Variants in NEDD9 observed in about 807,000 individuals in gnomAD.
NEDD9 encodes neural precursor cell expressed, developmentally down-regulated 9.
A neutral mutation model predicts 76.6 loss-of-function variants in NEDD9; 26 were observed. The ratio of observed to expected loss-of-function variants is 0.34; its 90% CI spans 0.25 to 0.47. The LOEUF is 0.47. Among genes scored for constraint, NEDD9 ranks in the 20% least tolerant of loss-of-function variants. The pLI is 1.00. For synonymous variants in NEDD9, 392 were observed against 414.2 expected (o/e 0.95, Z 0.65); for missense variants, 937 against 1,058.5 (o/e 0.89, Z 1.59).
intron 1 of NEDD9, among the ~76,000 whole-genome samples, chr6:11,360,540 TAGTG>T (rs1280878316): frequency 2.0e-5 from 3 of 152,110 alleles, no homozygotes; most frequent in African/African-American, 4.8e-5. Context: ...GTTCTCCTGA[TAGTG>T]AGTGAGTTCT....
chr6:11,354,544 TG>T lies in NEDD9; in HGVS notation c.-213-19984del, dbSNP rs369895087. ...GGATAGAGGAAGACATGGAGCTGCA[TG>T]CTGTTGCCCGTGCATCAGCCAATCA... On this transcript the variant is annotated intron_variant, in intron 1 of 3. Coordinates refer to the NEDD9 transcript ENST00000397378. Among the ~76,000 whole-genome samples the T allele has an allele frequency of 3.9e-4, 60 of 152,348 alleles. 1 individual carries two copies. In the South Asian group the frequency reaches 0.012, roughly 31 times the overall value.
intron 2 of NEDD9, among the ~76,000 whole-genome samples, chr6:11,331,521 G>A (rs991688786): frequency 3.3e-5 from 5 of 152,074 alleles, no homozygotes; most frequent in African/African-American, 1.2e-4. Flanking sequence ...GCTAAAGGGT[G>A]CAAAAATAAA....
rs138926316 is a variant in NEDD9, at chr6:11,278,812, T to C, written c.12+27180A>G. Among the ~76,000 whole-genome samples the C allele has an allele frequency of 6.1e-3, 932 of 152,132 alleles. 8 individuals carry two copies. The highest frequency in any genetic ancestry group is 7.5e-3 in the Non-Finnish European group (511 of 67,996). On this transcript the variant is annotated intron_variant, in intron 3 of 3. Transcript: ENST00000397378. ...GCATGCTGCCAACATTCAGAACCAC[T>C]GTCCTAGCCCACAGCGGCAATTACT...
chr6:11,273,796 G>T (rs916644496), intron 3 of NEDD9, among the ~76,000 whole-genome samples: 6 of 152,160 alleles, frequency 3.9e-5, no homozygotes, highest in Admixed American at 3.9e-4. Context: ...GTGTTCACCC[G>T]ACAGCAAGTG....
At position 11,190,919 on chromosome 6, in the gene NEDD9, T is replaced by C; in HGVS notation, c.950A>G (p.Tyr317Cys). ...GQSVGSQNDA[Y>C]DVPRGVQFLE... Reference sequence around the variant, plus strand: ...AAACTGAACGCCTCGGGGGACATCATATGCGTCGTTCTGAGAGCCCACTGA... The same window carrying C: ...AAACTGAACGCCTCGGGGGACATCACATGCGTCGTTCTGAGAGCCCACTGA... Residue 317 changes from tyrosine (Y) to cysteine (C), a missense_variant, in exon 5 of 7, where the codon TAT becomes TGT. Physicochemically the swap from Tyr to Cys is radical, Grantham distance 194 (BLOSUM62 -2). Transcript: ENST00000379446. The surrounding 1 kb of genome is among the most constrained non-coding windows in gnomAD (Gnocchi z 5.8). The C allele has an allele frequency of 1.2e-6, 2 of 1,614,036 alleles. No homozygotes were observed. Among genetic ancestry groups the C allele is most frequent in the East Asian group, 2.2e-5 (1 of 44,854 alleles).
intron 1 of NEDD9, among the ~76,000 whole-genome samples, chr6:11,341,967 A>T (rs915660229): frequency 3.3e-5 from 5 of 152,172 alleles, no homozygotes; most frequent in African/African-American, 1.2e-4. Context: ...CTAAGTTGTG[A>T]GTAAATGAGG....
chr6:11,329,800 G>C (rs1479464357), intron 2 of NEDD9, among the ~76,000 whole-genome samples: 1 of 152,104 alleles, frequency 6.6e-6, no homozygotes, highest in Non-Finnish European at 1.5e-5. Context: ...AGGGGATAGA[G>C]ACCAGGGAGG....
chr6:11,350,787 G>A (rs1269697910), intron 1 of NEDD9, among the ~76,000 whole-genome samples: 2 of 152,138 alleles, frequency 1.3e-5, no homozygotes, highest in African/African-American at 4.8e-5. Context: ...ACAGGTGAGT[G>A]AGCAAGTGGT....
intron 1 of NEDD9, among the ~76,000 whole-genome samples, chr6:11,377,995 C>T (rs1402029699): frequency 6.6e-6 from 1 of 152,190 alleles, no homozygotes; most frequent in African/African-American, 2.4e-5. Context: ...GTAACCCCAG[C>T]ACTTTGGGAG....
intron 3 of NEDD9, among the ~76,000 whole-genome samples, chr6:11,250,247 G>A (rs1253756941): frequency 6.6e-6 from 1 of 152,218 alleles, no homozygotes; most frequent in Non-Finnish European, 1.5e-5. Context: ...AAAATTTTGT[G>A]AGATGCTGGC....
chr6:11,278,091 A>G (rs1479396380), intron 3 of NEDD9, among the ~76,000 whole-genome samples: 1 of 152,066 alleles, frequency 6.6e-6, no homozygotes, highest in Non-Finnish European at 1.5e-5. Flanking sequence ...TTCTCTCCAC[A>G]GCCTCAGCTT....
chr6:11,355,751 C>T (rs749857812), intron 1 of NEDD9, among the ~76,000 whole-genome samples: 7 of 151,952 alleles, frequency 4.6e-5, no homozygotes, highest in South Asian at 2.1e-4. Flanking sequence ...GACAGAGTCT[C>T]GCTCTGTCGC....
chr6:11,303,292 G>C (rs530951789), intron 3 of NEDD9, among the ~76,000 whole-genome samples: 2 of 152,098 alleles, frequency 1.3e-5, no homozygotes, highest in Admixed American at 6.5e-5. Context: ...TAAAATACCT[G>C]GGAATCCAAC....
chr6:11,223,467 GA>G (rs57386377), intron 1 of NEDD9, among the ~76,000 whole-genome samples: 15 of 140,186 alleles, frequency 1.1e-4, no homozygotes, highest in African/African-American at 3.0e-4. Flanking sequence ...CCTCCCCTTG[GA>G]AAAAAAAACT....
chr6:11,211,964 A>AGTATCCTGATCGT (rs34779794), intron 2 of NEDD9, among the ~76,000 whole-genome samples: 1 of 152,138 alleles, frequency 6.6e-6, no homozygotes, highest in African/African-American at 2.4e-5. Flanking sequence ...GGCTCTCCAC[A>AGTATCCTGATCGT]GGGTCTCTAG....
chr6:11,378,487 C>T (rs918551149), intron 1 of NEDD9, among the ~76,000 whole-genome samples: 1 of 152,146 alleles, frequency 6.6e-6, no homozygotes, highest in Non-Finnish European at 1.5e-5. Context: ...CATAGACCAA[C>T]CCAGTGGGCA....
chr6:11,200,471 G>A, intron 2 of NEDD9: 1 of 1,015,138 alleles, frequency 9.9e-7, no homozygotes, highest in South Asian at 2.5e-5. Flanking sequence ...GGAATTCAGG[G>A]GACAAGACAA....
rs575872697 is a variant in NEDD9 at position 11,183,313 on chromosome 6, C to G, written c.*1849G>C. 46 of 152,228 alleles carry G rather than the reference C, an allele frequency of 3.0e-4. 1 individual carries two copies. Among genetic ancestry groups the G allele is most frequent in the African/African-American group, 1.0e-3 (42 of 41,550 alleles). 9.4% of individuals were successfully genotyped at this position (152,228 alleles called of 1,614,324 possible). A position where few individuals can be genotyped will look rare whatever the true frequency, so the allele number is the denominator to read the frequency against. Reference sequence around the variant, plus strand: ...ACCCAGTGGCTATGAAAACAGAGATCTAAAAATTTAATGATTTAAAAATAG... The same window carrying G: ...ACCCAGTGGCTATGAAAACAGAGATGTAAAAATTTAATGATTTAAAAATAG... On this transcript the variant is annotated 3_prime_UTR_variant, in exon 7 of 7. Transcript: ENST00000379446.
chr6:11,282,677 A>T (rs1202360638), intron 3 of NEDD9, among the ~76,000 whole-genome samples: 1 of 152,154 alleles, frequency 6.6e-6, no homozygotes, highest in East Asian at 1.9e-4. Flanking sequence ...CCTACATCCC[A>T]TCCTTCAACA....
Sources: allele counts gnomAD v4.1 joint callset (sites outside exome capture counted in the v4.1 genomes callset), GRCh38; gene constraint gnomAD v4.1.1; non-coding constraint Gnocchi (gnomAD v3.1); transcripts MANE v1.5; gene names NCBI Gene and HGNC (gene_info 2026-07-23, HGNC 2026-07-21).